The following IL18R1 variants were observed in gnomAD, a reference collection of about 807,000 sequenced individuals.
IL18R1 encodes interleukin-18 receptor 1.
In IL18R1, 40 loss-of-function variants were observed where a neutral mutation model predicts 48.5. That is an observed-to-expected ratio of 0.82 (90% CI 0.64 to 1.07). IL18R1 has a LOEUF of 1.07. Among genes scored for constraint, IL18R1 ranks in the 50% least tolerant of loss-of-function variants. The pLI, the probability that IL18R1 is intolerant of heterozygous loss-of-function variation, is 0.00. For synonymous variants in IL18R1, 232 were observed against 225.9 expected (o/e 1.03, Z -0.24); for missense variants, 596 against 633.7 (o/e 0.94, Z 0.64).
intron 1 of IL18R1, among the ~76,000 whole-genome samples, chr2:102,357,490 C>CA (rs56719099): frequency 0.43 from 59,273 of 137,384 alleles, 13,606 homozygotes; most frequent in African/African-American, 0.62. Context: ...GACTCTATCT[C>CA]AAAAAAAAAA....
At chr2:102,394,766 T>A in intron 10 of IL18R1, 139 bp downstream of exon 10, 3 of 578,468 alleles carry the variant, frequency 5.2e-6, no homozygotes, top group Non-Finnish European at 8.7e-6. Context: ...ACCACGTAAG[T>A]CAACAATCGA....
chr2:102,358,836 G>C (rs1678407692), intron 1 of IL18R1, among the ~76,000 whole-genome samples: 1 of 152,182 alleles, frequency 6.6e-6, no homozygotes. Context: ...GTGCAGATGT[G>C]CCAATGGATC....
At chr2:102,375,197 C>T (rs1315345864) in intron 4 of IL18R1, among the ~76,000 whole-genome samples, 1 of 152,140 alleles carries the variant, frequency 6.6e-6, no homozygotes, top group South Asian at 2.1e-4. Context: ...GCCATTCAGC[C>T]CCCAGACATC....
intron 8 of IL18R1, among the ~76,000 whole-genome samples, chr2:102,387,690 C>T (rs1163132015): frequency 1.3e-5 from 2 of 152,114 alleles, no homozygotes; most frequent in Non-Finnish European, 2.9e-5. Flanking sequence ...CCACCATCAA[C>T]TCCCTGGATA....
chr2:102,359,727 G>T (rs1203353802), intron 1 of IL18R1, among the ~76,000 whole-genome samples: 1 of 152,158 alleles, frequency 6.6e-6, no homozygotes, highest in African/African-American at 2.4e-5. Flanking sequence ...TATGAATATT[G>T]CAACACTTCT....
intron 7 of IL18R1, among the ~76,000 whole-genome samples, chr2:102,385,978 T>G (rs532302581): frequency 6.6e-6 from 1 of 152,346 alleles, no homozygotes; most frequent in East Asian, 1.9e-4. Context: ...TTTGATATCA[T>G]CTGTTTTGTC....
At chr2:102,371,668 A>C (rs1679268640) in intron 3 of IL18R1, among the ~76,000 whole-genome samples, 1 of 151,996 alleles carries the variant, frequency 6.6e-6, no homozygotes, top group Non-Finnish European at 1.5e-5. Context: ...GACATCCATA[A>C]TATATTGTCT....
At chr2:102,393,910 T>C (rs1290644794) in intron 9 of IL18R1, among the ~76,000 whole-genome samples, 1 of 152,232 alleles carries the variant, frequency 6.6e-6, no homozygotes, top group Non-Finnish European at 1.5e-5. Context: ...CTATTTTTCT[T>C]CTGCTAATGT....
chr2:102,387,049 T>G (rs762021290), intron 8 of IL18R1, 49 bp downstream of exon 8: 16 of 1,572,452 alleles, frequency 1.0e-5, no homozygotes, highest in South Asian at 2.3e-5. Context: ...TCATTGCTAC[T>G]GAGAGACATT....
In IL18R1 at chr2:102,396,821, C is replaced by A. The variant is rs774842783; in HGVS notation, c.1561C>A (p.Pro521Thr). 6.2e-7 allele frequency: 1 copy of A among 1,611,708 alleles called. No homozygotes were observed. Among genetic ancestry groups the A allele is most frequent in the Admixed American group, 1.7e-5 (1 of 59,468 alleles). ...CTGGAAGAACCTTCTTTACTTAATG[C>A]CTGCAAAAACAGTCAAGCCAGGTAG... ...RFWKNLLYLM[P>T]AKTVKPGRDE... The change falls in exon 11 of 11, where the codon CCT becomes ACT. Residue 521 changes from proline to threonine, a missense_variant. Pro to Thr is a conservative substitution (Grantham distance 38). Coordinates refer to ENST00000233957, the MANE Select transcript of IL18R1 (RefSeq NM_003855.5).
chr2:102,387,011 T>C lies in IL18R1; in HGVS notation c.949+11T>C, dbSNP rs780076292. The C allele has an allele frequency of 6.2e-7, 1 of 1,607,552 alleles. No individual in the cohort carries two copies. The highest frequency in any genetic ancestry group is 8.5e-7 in the Non-Finnish European group (1 of 1,178,336). ...TCTTGGTGAGAAAAGGTGAGAAAGATTTATTTTTGGAAGTTTTGAAACTTA... is the reference window on the plus strand; with the variant it reads ...TCTTGGTGAGAAAAGGTGAGAAAGACTTATTTTTGGAAGTTTTGAAACTTA... On this transcript the variant is annotated intron_variant, in intron 8 of 10. Coordinates refer to ENST00000233957, the MANE Select transcript of IL18R1 (RefSeq NM_003855.5).
At chr2:102,359,593 T>G (rs961757178) in intron 1 of IL18R1, among the ~76,000 whole-genome samples, 1 of 152,160 alleles carries the variant, frequency 6.6e-6, no homozygotes, top group Non-Finnish European at 1.5e-5. Flanking sequence ...GAAATGCAAA[T>G]TCAGAAAACA....
At chr2:102,381,768 T>C in intron 6 of IL18R1, 86 bp downstream of exon 6, 1 of 845,436 alleles carries the variant, frequency 1.2e-6, no homozygotes, top group Non-Finnish European at 2.0e-6. Context: ...CATTATTGAA[T>C]GACACTGGAT....
intron 10 of IL18R1, among the ~76,000 whole-genome samples, chr2:102,395,657 C>T (rs975766509): frequency 1.1e-4 from 16 of 152,208 alleles, no homozygotes; most frequent in African/African-American, 2.9e-4. Flanking sequence ...CTGGGCCATA[C>T]ATCAATTTTA....
intron 3 of IL18R1, among the ~76,000 whole-genome samples, chr2:102,370,643 C>T (rs906720370): frequency 6.6e-6 from 1 of 152,228 alleles, no homozygotes; most frequent in Non-Finnish European, 1.5e-5. Flanking sequence ...CACTTCTGGC[C>T]TCTGGGGCCA....
At chr2:102,383,575 T>A (rs187616833) in intron 6 of IL18R1, among the ~76,000 whole-genome samples, 1 of 152,318 alleles carries the variant, frequency 6.6e-6, no homozygotes, top group Non-Finnish European at 1.5e-5. Context: ...AGCTCTGTCA[T>A]ATGAAATAAT....
At chr2:102,359,144 A>G (rs1263738832) in intron 1 of IL18R1, among the ~76,000 whole-genome samples, 1 of 152,192 alleles carries the variant, frequency 6.6e-6, no homozygotes, top group African/African-American at 2.4e-5. Context: ...AGCAAACCGT[A>G]GGGGAAATAC....
rs1035130 is a variant in IL18R1, at chr2:102,384,942, C to T, written c.753C>T (p.Phe251=). 437,756 of 1,600,312 alleles carry T rather than the reference C, an allele frequency of 0.27. 62,186 individuals are homozygous for T. The highest frequency in any genetic ancestry group is 0.39 in the East Asian group (17,394 of 44,554). Residue 251 remains phenylalanine (F), a synonymous_variant, in exon 7 of 11, where the codon TTC becomes TTT. Transcript: ENST00000233957. ...LNEEDVIYWM[F]GEENGSDPNI... is the part of the protein sequence containing the mutation. ...AAGAGGATGTAATTTATTGGATGTT[C>T]GGGGAAGAAAATGGATCGGATCCTA...
At chr2:102,382,178 C>T (rs1460669674) in intron 6 of IL18R1, among the ~76,000 whole-genome samples, 1 of 152,108 alleles carries the variant, frequency 6.6e-6, no homozygotes, top group Non-Finnish European at 1.5e-5. Context: ...GAGACTGAGG[C>T]AGGAGAATCT....
Sources: allele counts gnomAD v4.1 joint callset (sites outside exome capture counted in the v4.1 genomes callset), GRCh38; gene constraint gnomAD v4.1.1; transcripts MANE v1.5; gene names NCBI Gene and HGNC (gene_info 2026-07-23, HGNC 2026-07-21).